Variants in TRPM1 observed in about 807,000 individuals in gnomAD.
The protein encoded by TRPM1 is TRPM1-203 APA Isoform, Intron 10.
TRPM1 carries 113 observed loss-of-function variants against 149.4 expected under a neutral mutation model. The observed-to-expected ratio is 0.76, with a 90% CI of 0.65 to 0.88. TRPM1 has a LOEUF of 0.88. Among genes scored for constraint, TRPM1 ranks in the 40% least tolerant of loss-of-function variants. TRPM1 has a pLI of 0.00. For synonymous variants in TRPM1, 741 were observed against 759.5 expected (o/e 0.98, Z 0.40); for missense variants, 1,976 against 2,038.7 (o/e 0.97, Z 0.59).
At chr15:31,003,855 G>GTT (rs1555415222) in intron 27 of TRPM1, among the ~76,000 whole-genome samples, 1 of 145,248 alleles carries the variant, frequency 6.9e-6, no homozygotes, top group South Asian at 2.2e-4. Context: ...CCTGCTATTA[G>GTT]TTTTTTTTTT....
rs752279539 is a variant in TRPM1 at position 31,002,125 on chromosome 15, T to A, written c.4575A>T (p.Ala1525=). ...CGACATGGTGTTCATCTTGCATATC[T>A]GCAAACTGCTCTTTATGCTCAGCTT... is the stretch of plus-strand genomic sequence containing the variant. ...AVQAEHKEQF[A]DMQDEHHVAE... is the part of the protein sequence containing the mutation. Residue 1525 remains alanine, a synonymous_variant, in exon 28 of 28, where the codon GCA becomes GCT. Coordinates refer to ENST00000256552, the MANE Select transcript of TRPM1 (RefSeq NM_001252024.2). 8.7e-6 allele frequency: 14 copies of A among 1,614,238 alleles called. No individual in the cohort carries two copies. In the Middle Eastern group the frequency reaches 9.9e-4, roughly 114 times the overall value.
intron 12 of TRPM1, 40 bp downstream of exon 12, chr15:31,050,369 G>C: frequency 4.3e-6 from 7 of 1,614,032 alleles, no homozygotes; most frequent in Non-Finnish European, 5.9e-6. Flanking sequence ...CCTGGGGAAG[G>C]GTGATGCCAA....
intron 2 of TRPM1, among the ~76,000 whole-genome samples, chr15:31,078,027 G>C (rs1286482558): frequency 2.6e-5 from 4 of 152,090 alleles, no homozygotes; most frequent in Non-Finnish European, 5.9e-5. Context: ...CAGGCATGGG[G>C]AAGTAGAACG....
At position 31,001,560 on chromosome 15, in the gene TRPM1, A is replaced by G. The variant is rs2031762424; in HGVS notation, c.*262T>C. On this transcript the variant is annotated 3_prime_UTR_variant, in exon 28 of 28. Coordinates refer to ENST00000256552, the MANE Select transcript of TRPM1 (RefSeq NM_001252024.2). ...TGGCCCTCAGTAATAAAGAGATTGTATAATCTTGTATACTGATTAGCCAAT... is the reference window on the plus strand; with the variant it reads ...TGGCCCTCAGTAATAAAGAGATTGTGTAATCTTGTATACTGATTAGCCAAT... The G allele has an allele frequency of 1.9e-6, 1 of 526,696 alleles. No homozygotes were observed. Among genetic ancestry groups the G allele is most frequent in the African/African-American group, 1.9e-5 (1 of 52,184 alleles). The allele number at this position is 526,696 out of a possible 1,614,324, so 32.6% of individuals were successfully genotyped here. A position where few individuals can be genotyped will look rare whatever the true frequency, so the allele number is the denominator to read the frequency against.
intron 22 of TRPM1, among the ~76,000 whole-genome samples, chr15:31,032,208 G>C (rs759675602): frequency 1.2e-4 from 18 of 152,110 alleles, no homozygotes; most frequent in Non-Finnish European, 4.4e-5. Flanking sequence ...TCCTGGGAAA[G>C]TGAAGTAAGC....
intron 1 of TRPM1, among the ~76,000 whole-genome samples, chr15:31,098,022 T>C (rs1475752286): frequency 2.0e-5 from 3 of 152,278 alleles, no homozygotes; most frequent in African/African-American, 7.2e-5. Context: ...AAATGAATTA[T>C]AGAATTAAAG....
Position 31,040,615 on chromosome 15 carries a change from C to G in TRPM1, c.2088-269G>C, listed in dbSNP as rs2911850. The stretch of plus-strand genomic sequence containing the variant: ...TTGAGACCACATCTGCCCCTCAGAC[C>G]CCAGGGACATAGAGACGAGAAGACA... On this transcript the variant is annotated intron_variant, in intron 17 of 27. Transcript: ENST00000256552. The surrounding 1 kb of genome is among the most constrained non-coding windows in gnomAD (Gnocchi z 4.2). Among the ~76,000 whole-genome samples the G allele has an allele frequency of 0.48, 73,156 of 152,096 alleles. 20,491 individuals are homozygous for G. The highest frequency in any genetic ancestry group is 0.94 in the East Asian group (4,873 of 5,174).
chr15:31,103,220 G>A (rs527922862), upstream of TRPM1, among the ~76,000 whole-genome samples: 3 of 152,254 alleles, frequency 2.0e-5, no homozygotes, highest in Admixed American at 6.5e-5. Flanking sequence ...CAGATAAGAT[G>A]GAAACAATGG....
intron 16 of TRPM1, among the ~76,000 whole-genome samples, chr15:31,043,515 A>C (rs1419668306): frequency 6.6e-6 from 1 of 152,168 alleles, no homozygotes; most frequent in Non-Finnish European, 1.5e-5. Context: ...TTTTTATAAT[A>C]TCATAATGAG....
chr15:31,117,577 G>A (rs761009028), intron 1 of TRPM1, among the ~76,000 whole-genome samples: 11 of 151,724 alleles, frequency 7.3e-5, no homozygotes, highest in Non-Finnish European at 1.3e-4. Flanking sequence ...GAACCCGGTA[G>A]GTGGAGGTTG....
chr15:31,053,565 A>G (rs1281671635), intron 11 of TRPM1, among the ~76,000 whole-genome samples: 2 of 152,218 alleles, frequency 1.3e-5, no homozygotes, highest in African/African-American at 4.8e-5. Context: ...GTGCCCAGCC[A>G]AGATGGCTAT....
At chr15:31,028,561 T>C (rs560930106) in intron 24 of TRPM1, 85 bp from the exon 25 acceptor site, 1 of 1,451,882 alleles carries the variant, frequency 6.9e-7, no homozygotes, top group African/African-American at 1.4e-5. Context: ...TCAATACCTA[T>C]TTCTTTTTTA....
intron 27 of TRPM1, among the ~76,000 whole-genome samples, chr15:31,025,757 GA>G (rs1387374821): frequency 6.6e-6 from 1 of 152,208 alleles, no homozygotes; most frequent in African/African-American, 2.4e-5. Flanking sequence ...AGCTAGGCCG[GA>G]TGAGGAGGGC....
Position 31,106,749 on chromosome 15 carries a change from C to A in TRPM1, c.55-29765G>T, listed in dbSNP as rs540623288. ...AATAGCACAGCAACAAAAAGTCTTG[C>A]CACATGTCCTTTTGCATTTGTCTGT... On this transcript the variant is annotated intron_variant, in intron 1 of 26. Coordinates refer to the TRPM1 transcript ENST00000542188. 1.5e-3 allele frequency among the ~76,000 whole-genome samples: 229 copies of A among 152,272 alleles called. 3 individuals carry two copies. The highest frequency in any genetic ancestry group is 5.3e-3 in the African/African-American group (220 of 41,546).
intron 2 of TRPM1, among the ~76,000 whole-genome samples, chr15:31,077,553 GC>G (rs1263213066): frequency 6.6e-6 from 1 of 152,270 alleles, no homozygotes. Context: ...GAGTCAGTTG[GC>G]AGAGAGAGCT....
chr15:31,106,251 G>A (rs2035604736), upstream of TRPM1, among the ~76,000 whole-genome samples: 1 of 151,332 alleles, frequency 6.6e-6, no homozygotes, highest in South Asian at 2.1e-4. Context: ...GGATTCTCCT[G>A]CCTTAGCCTT....
At chr15:31,094,770 T>C (rs1245751862) in intron 1 of TRPM1, among the ~76,000 whole-genome samples, 2 of 152,240 alleles carry the variant, frequency 1.3e-5, no homozygotes, top group Admixed American at 1.3e-4. Context: ...CTTCAGACAT[T>C]GCTGGTGAAA....
intron 1 of TRPM1, among the ~76,000 whole-genome samples, chr15:31,138,320 G>T (rs2036117025): frequency 6.6e-6 from 1 of 151,970 alleles, no homozygotes; most frequent in Non-Finnish European, 1.5e-5. Context: ...GCCTCCAAGG[G>T]AAGCTCTGAT....
chr15:31,161,138 G>A (rs567900862), exon 1 of TRPM1: 13 of 628,882 alleles, frequency 2.1e-5, no homozygotes, highest in Non-Finnish European at 3.0e-5. Context: ...GAGGCCGGCC[G>A]GAGGCTGGTT....
Sources: allele counts gnomAD v4.1 joint callset (sites outside exome capture counted in the v4.1 genomes callset), GRCh38; gene constraint gnomAD v4.1.1; non-coding constraint Gnocchi (gnomAD v3.1); transcripts MANE v1.5; gene names NCBI Gene and HGNC (gene_info 2026-07-23, HGNC 2026-07-21).